The following PPA2 variants were observed in gnomAD, a reference collection of about 807,000 sequenced individuals.
PPA2 encodes the protein inorganic pyrophosphatase 2, also known as inorganic pyrophosphatase 2, mitochondrial.
In PPA2, 48 loss-of-function variants were observed where a neutral mutation model predicts 49.5. That is an observed-to-expected ratio of 0.97 (90% confidence interval 0.77 to 1.23). The LOEUF (loss-of-function observed/expected upper bound fraction) is 1.23, where lower values mean the gene tolerates loss of function less well. PPA2 is among the 50% of genes most tolerant of loss of function. PPA2 has a pLI of 0.00. For synonymous variants in PPA2, 131 were observed against 139.9 expected (o/e 0.94, Z 0.45); for missense variants, 429 against 410.1 (o/e 1.05, Z -0.40).
intron 1 of PPA2, among the ~76,000 whole-genome samples, chr4:105,462,754 G>A (rs1723144855): frequency 6.6e-6 from 1 of 152,170 alleles, no homozygotes; most frequent in Non-Finnish European, 1.5e-5. Context: ...CTGAATCATA[G>A]GGGTAAGTCT....
chr4:105,420,595 T>C (rs992474512), intron 7 of PPA2, among the ~76,000 whole-genome samples: 3 of 152,240 alleles, frequency 2.0e-5, no homozygotes, highest in Non-Finnish European at 2.9e-5. Context: ...CCAAGAAGTA[T>C]AGATGACAAA....
intron 1 of PPA2, among the ~76,000 whole-genome samples, chr4:105,465,455 G>A (rs945986884): frequency 2.0e-5 from 3 of 152,080 alleles, no homozygotes; most frequent in Non-Finnish European, 4.4e-5. Flanking sequence ...TCCTAAGACT[G>A]CTTCTTTGCT....
intron 7 of PPA2, among the ~76,000 whole-genome samples, chr4:105,418,965 T>C (rs1578840961): frequency 6.6e-6 from 1 of 152,320 alleles, no homozygotes; most frequent in East Asian, 1.9e-4. Flanking sequence ...TAAAAAGCTC[T>C]AAACTTGGTT....
chr4:105,441,352 C>G (rs939395563), intron 5 of PPA2, among the ~76,000 whole-genome samples: 1 of 151,928 alleles, frequency 6.6e-6, no homozygotes, highest in Non-Finnish European at 1.5e-5. Flanking sequence ...GAAAAGATAC[C>G]TAGTCTGATC....
intron 9 of PPA2, among the ~76,000 whole-genome samples, chr4:105,391,775 A>G (rs193010764): frequency 2.1e-4 from 32 of 152,358 alleles, no homozygotes; most frequent in Non-Finnish European, 4.4e-5. Flanking sequence ...GAAGGGAATC[A>G]TAAGACGTTT....
chr4:105,437,873 C>A, intron 6 of PPA2, 77 bp downstream of exon 6: 2 of 1,107,778 alleles, frequency 1.8e-6, no homozygotes, highest in Non-Finnish European at 1.3e-6. Flanking sequence ...AGTTGAAGAA[C>A]TAGAGGCTAA....
At chr4:105,453,843 C>T (rs565465102) in intron 2 of PPA2, 2 of 401,556 alleles carry the variant, frequency 5.0e-6, no homozygotes, top group East Asian at 7.4e-5. Flanking sequence ...CAAAGTGTTT[C>T]ATAAAATAAA....
chr4:105,370,628 C>A (rs1317349511), intron 11 of PPA2: 34 of 975,070 alleles, frequency 3.5e-5, no homozygotes, highest in Non-Finnish European at 4.1e-5. Flanking sequence ...CATTTTCTAA[C>A]CTAGAAAAGT....
At chr4:105,373,766 T>C (rs1472872149) in intron 10 of PPA2, among the ~76,000 whole-genome samples, 4 of 148,290 alleles carry the variant, frequency 2.7e-5, no homozygotes, top group African/African-American at 7.5e-5. Context: ...TATATTTAAA[T>C]ACACACACAC....
At chr4:105,453,331 C>G (rs1032556030) in intron 3 of PPA2, among the ~76,000 whole-genome samples, 1 of 151,996 alleles carries the variant, frequency 6.6e-6, no homozygotes, top group Non-Finnish European at 1.5e-5. Context: ...GATGAGGATT[C>G]CACAACAATG....
At chr4:105,394,723 G>A (rs2713866) in intron 9 of PPA2, among the ~76,000 whole-genome samples, 56,794 of 151,962 alleles carry the variant, frequency 0.37, 12,581 homozygotes, top group East Asian at 0.68. Flanking sequence ...GAAGGAATGA[G>A]TTCAAGCTAT....
rs575896250 is a variant in PPA2, at chr4:105,450,601, CTTTTTTTTTTTTTT to C, written c.268-1212_268-1199del. ...ATGCTGGCCAGGCTGGTCTGGAATT[CTTTTTTTTTTTTTT>C]TTTTTTTTTTGAGACGGAGTCTCGC... On this transcript the variant is annotated intron_variant, in intron 3 of 11. Transcript: ENST00000341695. Among the ~76,000 whole-genome samples, 9 of 82,680 alleles carry C rather than the reference CTTTTTTTTTTTTTT, an allele frequency of 1.1e-4. No homozygotes were observed. In the Admixed American group the frequency reaches 1.3e-3, roughly 12 times the overall value. The allele number at this position is 82,680 out of a possible 152,430, so 54.2% of individuals were successfully genotyped here.
chr4:105,385,165 C>A (rs572765938), intron 10 of PPA2, among the ~76,000 whole-genome samples: 1 of 152,278 alleles, frequency 6.6e-6, no homozygotes, highest in African/African-American at 2.4e-5. Flanking sequence ...TTAATAACTA[C>A]AACTCCCATC....
At chr4:105,369,836 C>G (rs1190368938) in intron 11 of PPA2, 83 bp from the exon 12 acceptor site, 1 of 1,311,006 alleles carries the variant, frequency 7.6e-7, no homozygotes, top group Non-Finnish European at 1.1e-6. Context: ...TTAATTTCGA[C>G]TTTTAGGAAG....
At chr4:105,454,283 A>G (rs1212412779) in intron 2 of PPA2, among the ~76,000 whole-genome samples, 1 of 145,780 alleles carries the variant, frequency 6.9e-6, no homozygotes, top group East Asian at 2.0e-4. Context: ...CTGAAACATT[A>G]TTTTTGTTTT....
intron 9 of PPA2, among the ~76,000 whole-genome samples, chr4:105,388,781 C>A (rs6855177): frequency 0.43 from 63,455 of 147,028 alleles, 14,092 homozygotes; most frequent in East Asian, 0.68. Flanking sequence ...GCCGAGATGG[C>A]GCCACTGCAC....
intron 1 of PPA2, among the ~76,000 whole-genome samples, chr4:105,471,936 C>A (rs926056300): frequency 1.1e-4 from 16 of 152,286 alleles, no homozygotes; most frequent in South Asian, 2.1e-4. Context: ...GAATGAAAAA[C>A]GTATTTTATT....
intron 7 of PPA2, among the ~76,000 whole-genome samples, chr4:105,404,096 T>C (rs975538181): frequency 6.6e-6 from 1 of 151,934 alleles, no homozygotes; most frequent in African/African-American, 2.4e-5. Flanking sequence ...ATGAACAGTA[T>C]ATATGAGAGA....
Position 105,472,437 on chromosome 4 carries a change from G to T in PPA2, c.157+1457C>A, listed in dbSNP as rs75846266. On this transcript the variant is annotated intron_variant, in intron 1 of 11. Coordinates refer to ENST00000341695, the MANE Select transcript of PPA2 (RefSeq NM_176869.3). ...ACACTTCATAAATATTTATTATTTGGGTATCTATTAATTACCGTACTTATT... is the reference window on the plus strand; with the variant it reads ...ACACTTCATAAATATTTATTATTTGTGTATCTATTAATTACCGTACTTATT... 3.7e-3 allele frequency among the ~76,000 whole-genome samples: 559 copies of T among 152,140 alleles called. 5 individuals are homozygous for T. The highest frequency in any genetic ancestry group is 4.0e-3 in the Non-Finnish European group (272 of 68,008).
Sources: gnomAD v4.1 joint callset for allele counts (sites outside exome capture counted in the v4.1 genomes callset) on GRCh38, gnomAD v4.1.1 for gene constraint, MANE v1.5 for transcripts, NCBI Gene and HGNC (gene_info 2026-07-23, HGNC 2026-07-21) for gene names.